The following EXPH5 variants were observed in gnomAD, a reference collection of about 807,000 sequenced individuals.
The protein encoded by EXPH5 is exophilin 5, also known as exophilin-5.
In EXPH5, 42 loss-of-function variants were observed where a neutral mutation model predicts 41.1. The ratio of observed to expected loss-of-function variants is 1.02; its 90% confidence interval spans 0.80 to 1.32. EXPH5 has a LOEUF of 1.32. EXPH5 is among the 40% of genes most tolerant of loss of function. The pLI is 0.00. For missense variants in EXPH5, 2,298 were observed against 2,314.5 expected, an observed-to-expected ratio of 0.99 and a Z score of 0.15; for synonymous variants, 798 against 833.5, an observed-to-expected ratio of 0.96 and a Z score of 0.73.
intron 1 of EXPH5, among the ~76,000 whole-genome samples, chr11:108,549,988 G>A (rs1296239715): frequency 6.6e-6 from 1 of 152,138 alleles, no homozygotes; most frequent in Non-Finnish European, 1.5e-5. Flanking sequence ...TTCAAGGTTC[G>A]GGTAGTCAGT....
chr11:108,519,906 G>C (rs929239468), intron 4 of EXPH5, among the ~76,000 whole-genome samples: 1 of 140,154 alleles, frequency 7.1e-6, no homozygotes, highest in Non-Finnish European at 1.5e-5. Context: ...AGCTAAGATC[G>C]TGCCACTGCA....
At chr11:108,523,222 T>C (rs1489516224) in intron 4 of EXPH5, among the ~76,000 whole-genome samples, 1 of 152,136 alleles carries the variant, frequency 6.6e-6, no homozygotes, top group Non-Finnish European at 1.5e-5. Flanking sequence ...ATTTTTAATA[T>C]ACTTAAAAAT....
At chr11:108,540,907 ATT>A (rs112640072) in intron 2 of EXPH5, among the ~76,000 whole-genome samples, 2 of 148,460 alleles carry the variant, frequency 1.3e-5, no homozygotes, top group Non-Finnish European at 3.0e-5. Flanking sequence ...ATATTCTATT[ATT>A]TTTTTTTTAT....
chr11:108,514,893 A>G lies in EXPH5; in HGVS notation c.632-18T>C. The G allele has an allele frequency of 7.2e-7, 1 of 1,398,492 alleles. No homozygotes were observed. Among genetic ancestry groups the G allele is most frequent in the Non-Finnish European group, 9.3e-7 (1 of 1,071,354 alleles). 86.6% of individuals were successfully genotyped at this position (1,398,492 alleles called of 1,614,324 possible). A position where few individuals can be genotyped will look rare whatever the true frequency, so the allele number is the denominator to read the frequency against. ...ATCTAAAACTGAAAAGAGAATGTGA[A>G]TCAACCTTTTTCTGTATGTTTTTAC... On this transcript the variant is annotated intron_variant, in intron 5 of 5. Transcript: ENST00000265843.
intron 3 of EXPH5, among the ~76,000 whole-genome samples, chr11:108,531,646 T>G (rs1457833264): frequency 6.6e-6 from 1 of 152,144 alleles, no homozygotes; most frequent in Non-Finnish European, 1.5e-5. Context: ...TCTCACTCAA[T>G]AGAGTAGGAT....
chr11:108,539,072 C>T lies in EXPH5; in HGVS notation c.395G>A (p.Arg132Lys). Residue 132 changes from arginine (R) to lysine (K), a missense_variant, in exon 3 of 6, where the codon AGG (arginine) becomes AAG (lysine). By Grantham distance (26) the Arg-to-Lys change is conservative. Transcript: ENST00000265843. Reference protein sequence around the residue: ...RSSFASLFSFRKSGKETSKLP... With the variant: ...RSSFASLFSFKKSGKETSKLP... ...CTTTGAAGTCTCCTTTCCAGATTTC[C>T]TGAATGAGAACAGGGAAGCAAATGA... 1.2e-6 allele frequency: 2 copies of T among 1,607,652 alleles called. No homozygotes were observed. Among genetic ancestry groups the T allele is most frequent in the Non-Finnish European group, 1.7e-6 (2 of 1,176,544 alleles).
intron 1 of EXPH5, among the ~76,000 whole-genome samples, chr11:108,590,387 T>C (rs1006376320): frequency 2.6e-5 from 4 of 152,230 alleles, no homozygotes; most frequent in Non-Finnish European, 5.9e-5. Context: ...AGTTTGAATC[T>C]TGGTGTTTTT....
In EXPH5 at chr11:108,541,938, C is replaced by T; in HGVS notation, c.120-126G>A. 4.3e-6 allele frequency: 3 copies of T among 691,866 alleles called. No individual in the cohort carries two copies. The East Asian group carries it at 8.7e-5, about 20-fold the overall frequency. The allele number at this position is 691,866 out of a possible 1,614,324, so 42.9% of individuals were successfully genotyped here. ...CTGTCACCAGGCTGGAGTGCAGTGG[C>T]ACAACCTCGTCTCACTGCAACCTTC... is the stretch of plus-strand genomic sequence containing the variant. On this transcript the variant is annotated intron_variant, in intron 1 of 5. Transcript: ENST00000265843.
chr11:108,528,834 CT>C (rs2093817601), intron 3 of EXPH5, among the ~76,000 whole-genome samples: 1 of 151,458 alleles, frequency 6.6e-6, no homozygotes, highest in Non-Finnish European at 1.5e-5. Flanking sequence ...TCCCGAATGG[CT>C]GGGATTACAG....
chr11:108,536,595 G>C (rs1470580686), intron 3 of EXPH5, among the ~76,000 whole-genome samples: 1 of 152,156 alleles, frequency 6.6e-6, no homozygotes, highest in Non-Finnish European at 1.5e-5. Flanking sequence ...AATTCACCAA[G>C]TCTCTGCGTT....
intron 1 of EXPH5, among the ~76,000 whole-genome samples, chr11:108,563,394 G>A (rs1043324411): frequency 6.6e-6 from 1 of 152,166 alleles, no homozygotes; most frequent in Non-Finnish European, 1.5e-5. Flanking sequence ...GGAGGCATGG[G>A]GTTCTCTTAG....
chr11:108,556,722 G>A (rs2093991703), intron 1 of EXPH5, among the ~76,000 whole-genome samples: 1 of 152,160 alleles, frequency 6.6e-6, no homozygotes, highest in South Asian at 2.1e-4. Context: ...TGATCTGCCT[G>A]CCTTGGCCTC....
In EXPH5 at chr11:108,513,835, A is replaced by G; in HGVS notation, c.1672T>C (p.Ser558Pro). 1 of 1,608,832 alleles carries G rather than the reference A, an allele frequency of 6.2e-7. No homozygotes were observed. The highest frequency in any genetic ancestry group is 8.5e-7 in the Non-Finnish European group (1 of 1,177,960). ...GATACCACCATGCTATCCAGTGTGG[A>G]TCTCTGAAAATCAAACTGCCAAGGA... ...PHPWQFDFQR[S>P]TLDSMVVSHG... The change falls in exon 6 of 6, where the codon TCC becomes CCC. Residue 558 changes from serine to proline, a missense_variant. By Grantham distance (74) the Ser-to-Pro change is moderately conservative. Transcript: ENST00000265843.
At chr11:108,597,970 T>A (rs1380594659), upstream of EXPH5, among the ~76,000 whole-genome samples, 1 of 152,200 alleles carries the variant, frequency 6.6e-6, no homozygotes, top group Admixed American at 6.5e-5. Flanking sequence ...AAGATGTTCC[T>A]GCGCTCAAAA....
intron 1 of EXPH5, among the ~76,000 whole-genome samples, chr11:108,559,132 T>C (rs540881249): frequency 6.6e-6 from 1 of 152,316 alleles, no homozygotes; most frequent in South Asian, 2.1e-4. Flanking sequence ...CTCTGTACTT[T>C]TTTTGCATGC....
At chr11:108,594,762 C>A (rs900928190), upstream of EXPH5, among the ~76,000 whole-genome samples, 10 of 152,194 alleles carry the variant, frequency 6.6e-5, no homozygotes, top group Admixed American at 5.9e-4. Flanking sequence ...TATATCATTT[C>A]TTTTCATGGC....
intron 1 of EXPH5, among the ~76,000 whole-genome samples, chr11:108,583,295 T>C (rs1176745193): frequency 6.6e-6 from 1 of 151,328 alleles, no homozygotes; most frequent in African/African-American, 2.4e-5. Flanking sequence ...GGCAGGAGAA[T>C]GGCGTGAACC....
At position 108,593,741 on chromosome 11, in the gene EXPH5, T is replaced by C; in HGVS notation, c.-205A>G. ...ACAATACCTTAATGACATGTTTCTC[T>C]CAACCTGTCCAACCGAGATGCAAAG... On this transcript the variant is annotated 5_prime_UTR_variant, in exon 1 of 6. Coordinates refer to ENST00000265843, the MANE Select transcript of EXPH5 (RefSeq NM_015065.3). The C allele has an allele frequency of 6.5e-7, 1 of 1,536,594 alleles. No individual in the cohort carries two copies. The highest frequency in any genetic ancestry group is 8.7e-7 in the Non-Finnish European group (1 of 1,146,982).
chr11:108,550,287 A>T (rs2093957374), intron 1 of EXPH5, among the ~76,000 whole-genome samples: 1 of 152,120 alleles, frequency 6.6e-6, no homozygotes, highest in South Asian at 2.1e-4. Flanking sequence ...GAGACCATAC[A>T]CAGAAAGAGG....
Sources: gnomAD v4.1 joint callset for allele counts (sites outside exome capture counted in the v4.1 genomes callset) on GRCh38, gnomAD v4.1.1 for gene constraint, MANE v1.5 for transcripts, NCBI Gene and HGNC (gene_info 2026-07-23, HGNC 2026-07-21) for gene names.